KRT3: variants seen among roughly 807,000 people sequenced by gnomAD.
KRT3 encodes keratin, type II cytoskeletal 3.
Under a neutral mutation model 45.8 loss-of-function variants are expected in KRT3, and 34 were observed. The ratio of observed to expected loss-of-function variants is 0.74; its 90% CI spans 0.57 to 0.99. The LOEUF (loss-of-function observed/expected upper bound fraction) is 0.99. Ranked by LOEUF, KRT3 falls within the 50% of genes least tolerant of loss-of-function variation. KRT3 has a pLI of 0.00. For synonymous variants in KRT3, 367 were observed against 329.0 expected (o/e 1.12, Z -1.25); for missense variants, 828 against 820.6 (o/e 1.01, Z -0.11).
chr12:52,795,993 G>A lies in KRT3; in HGVS notation c.50C>T (p.Ser17Phe). The A allele has an allele frequency of 6.2e-7, 1 of 1,613,860 alleles. No individual in the cohort carries two copies. The highest frequency in any genetic ancestry group is 8.5e-7 in the Non-Finnish European group (1 of 1,179,932). The change falls in exon 1 of 9, where the codon TCC (serine) becomes TTC (phenylalanine). Residue 17 changes from serine to phenylalanine, a missense_variant. Transcript: ENST00000417996. ...KTSGGGSQGFSGRSAVVSGSS... is the reference protein window; with the variant it reads ...KTSGGGSQGFFGRSAVVSGSS... ...GCCGGAGACCACAGCAGAGCGGCCG[G>A]AGAAACCCTGGCTCCCGCCACCAGA...
Position 52,792,119 on chromosome 12 carries a change from G to A in KRT3, c.1188+120C>T, listed in dbSNP as rs189462502. On this transcript the variant is annotated intron_variant, in intron 5 of 8. Transcript: ENST00000417996. ...AACCACCATTAGAAGGATGACTTCA[G>A]AGGGTAAAACCAAAAGGCATTCACC... 45 of 867,492 alleles carry A rather than the reference G, an allele frequency of 5.2e-5. No individual in the cohort carries two copies. In the African/African-American group the frequency reaches 6.4e-4, roughly 12 times the overall value. 53.7% of individuals were successfully genotyped at this position (867,492 alleles called of 1,614,324 possible). A position where few individuals can be genotyped will look rare whatever the true frequency, so the allele number is the denominator to read the frequency against.
In KRT3 at chr12:52,791,271, AT is replaced by A. The variant is rs559132133; in HGVS notation, c.1469del (p.Asn490MetfsTer61). 6.2e-7 allele frequency: 1 copy of A among 1,614,204 alleles called. No homozygotes were observed. Among genetic ancestry groups the A allele is most frequent in the South Asian group, 1.1e-5 (1 of 91,086 alleles). ...TCTCCACGTCCAGGGCCAGCTTGACATTCATCAGCTCCTGGTAGTCACGTAG... is the reference window on the plus strand; with the variant it reads ...TCTCCACGTCCAGGGCCAGCTTGACATCATCAGCTCCTGGTAGTCACGTAG... The part of the protein sequence containing the change: ...RLLRDYQELM[N>X]VKLALDVEIA... On this transcript the variant is annotated frameshift_variant, in exon 7 of 9. Transcript: ENST00000417996. LOFTEE classifies it high-confidence loss of function.
Position 52,795,707 on chromosome 12 carries a change from G to T in KRT3, c.336C>A (p.Gly112=), listed in dbSNP as rs1208822466. Residue 112 remains glycine (G), a synonymous_variant, in exon 1 of 9, where the codon GGC becomes GGA. Coordinates refer to ENST00000417996, the MANE Select transcript of KRT3 (RefSeq NM_057088.3). Reference sequence around the variant, plus strand: ...CACCAAAGCCACCTCCCATTCCTCTGCCACCACCAAAGCCACCACCAAAGC... The same window carrying T: ...CACCAAAGCCACCTCCCATTCCTCTTCCACCACCAAAGCCACCACCAAAGC... The part of the protein sequence containing the change: ...GGGFGGGFGG[G]RGMGGGFGGA... The T allele has an allele frequency of 6.2e-7, 1 of 1,611,654 alleles. No homozygotes were observed. Among genetic ancestry groups the T allele is most frequent in the Non-Finnish European group, 8.5e-7 (1 of 1,178,790 alleles).
In KRT3 at chr12:52,793,076, C is replaced by T. The variant is rs986471089; in HGVS notation, c.927+87G>A. ...TGCTCCAAAGGCCTGAACTTGGCAG[C>T]TCTGTGGCAGTGGAGTGAGGAGATT... On this transcript the variant is annotated intron_variant, in intron 3 of 8. Coordinates refer to ENST00000417996, the MANE Select transcript of KRT3 (RefSeq NM_057088.3). 31 of 1,066,354 alleles carry T rather than the reference C, an allele frequency of 2.9e-5. No homozygotes were observed. In the Middle Eastern group the frequency reaches 1.2e-3, roughly 41 times the overall value. The allele number at this position is 1,066,354 out of a possible 1,614,324, so 66.1% of individuals were successfully genotyped here. A position where few individuals can be genotyped will look rare whatever the true frequency, so the allele number is the denominator to read the frequency against.
chr12:52,791,095 A>G, intron 7 of KRT3, 111 bp downstream of exon 7: 1 of 1,522,546 alleles, frequency 6.6e-7, no homozygotes, highest in Non-Finnish European at 9.0e-7. Flanking sequence ...GCTTCACCAC[A>G]AGGCCTCTCT....
In KRT3 at chr12:52,790,342, G is replaced by A. The variant is rs778801419; in HGVS notation, c.1587C>T (p.Ser529=). The change falls in exon 9 of 9, where the codon AGC becomes AGT. Residue 529 remains serine (S), a synonymous_variant. Coordinates refer to ENST00000417996, the MANE Select transcript of KRT3 (RefSeq NM_057088.3). ...AGCCACCTGCGGAGGCGGAAGTCGT[G>A]CTGCTGCTGACCACGGCTGTGGGGG... ...SAVSISVVSS[S]TTSASAGGYG... The A allele has an allele frequency of 6.3e-6, 10 of 1,595,952 alleles. No homozygotes were observed. Among genetic ancestry groups the A allele is most frequent in the East Asian group, 2.3e-5 (1 of 44,278 alleles).
Position 52,792,318 on chromosome 12 carries a change from A to G in KRT3, c.1109T>C (p.Ile370Thr). 1 of 1,614,118 alleles carries G rather than the reference A, an allele frequency of 6.2e-7. No homozygotes were observed. The highest frequency in any genetic ancestry group is 1.7e-5 in the Admixed American group (1 of 60,018). ...ATACTGTGCACGAACTTCAGCAATG[A>G]TGCTGTCCAGGTCCAGGGAGCGATT... is the stretch of plus-strand genomic sequence containing the variant. ...DNNRSLDLDS[I>T]IAEVRAQYED... The change falls in exon 5 of 9, where the codon ATC (isoleucine) becomes ACC (threonine). Residue 370 changes from isoleucine to threonine, a missense_variant. Ile to Thr is a moderately conservative substitution (Grantham distance 89). Transcript: ENST00000417996.
chr12:52,791,238 G>A lies in KRT3; in HGVS notation c.1503C>T (p.Thr501=). Residue 501 remains threonine (T), a synonymous_variant, in exon 7 of 9, where the codon ACC becomes ACT. Transcript: ENST00000417996. ...CCTCGCCCTCCAGCAGCTTGCGGTA[G>A]GTGGCGATCTCCACGTCCAGGGCCA... ...VKLALDVEIA[T]YRKLLEGEEY... The A allele has an allele frequency of 6.2e-7, 1 of 1,614,236 alleles. No individual in the cohort carries two copies. Among genetic ancestry groups the A allele is most frequent in the African/African-American group, 1.3e-5 (1 of 75,064 alleles).
chr12:52,792,629 CCT>C (rs1939547142), intron 4 of KRT3, 80 bp downstream of exon 4: 1 of 1,080,048 alleles, frequency 9.3e-7, no homozygotes, highest in African/African-American at 1.6e-5. Flanking sequence ...TCTTCTGGGG[CCT>C]ATATACCAAA....
Position 52,792,740 on chromosome 12 carries a change from T to G in KRT3, c.994A>C (p.Ile332Leu). 1 of 1,613,154 alleles carries G rather than the reference T, an allele frequency of 6.2e-7. No individual in the cohort carries two copies. Among genetic ancestry groups the G allele is most frequent in the Non-Finnish European group, 8.5e-7 (1 of 1,179,156 alleles). Residue 332 changes from isoleucine (I) to leucine (L), a missense_variant, in exon 4 of 9, where the codon ATC (isoleucine) becomes CTC (leucine). Transcript: ENST00000417996. ...TCGTAGAGGGTCCTTAAGAAGTCGA[T>G]CTCATCTATCAAGGCATCCACTTTG... is the stretch of plus-strand genomic sequence containing the variant. ...QAKVDALIDEIDFLRTLYDAE... is the reference protein window; with the variant it reads ...QAKVDALIDELDFLRTLYDAE...
At chr12:52,793,415 T>C (rs1939571509) in intron 2 of KRT3, among the ~76,000 whole-genome samples, 192 bp from the exon 3 acceptor site, 1 of 152,134 alleles carries the variant, frequency 6.6e-6, no homozygotes, top group Admixed American at 6.5e-5. Context: ...AGGCAAACTG[T>C]CTGGTTTTAG....
chr12:52,792,921 G>A, intron 3 of KRT3, 115 bp from the exon 4 acceptor site: 1 of 759,936 alleles, frequency 1.3e-6, no homozygotes, highest in Non-Finnish European at 2.3e-6. Context: ...TCTAAGACCA[G>A]TCTCCACTTG....
At chr12:52,792,000 G>C (rs138735194) in intron 5 of KRT3, among the ~76,000 whole-genome samples, 184 bp from the exon 6 acceptor site, 1 of 152,230 alleles carries the variant, frequency 6.6e-6, no homozygotes, top group African/African-American at 2.4e-5. Context: ...TGTTGTGGTA[G>C]AAGATTTTCC....
chr12:52,795,393 A>G lies in KRT3; in HGVS notation c.645+5T>C, dbSNP rs1276544712. 3.7e-6 allele frequency: 6 copies of G among 1,614,080 alleles called. No homozygotes were observed. Among genetic ancestry groups the G allele is most frequent in the East Asian group, 2.2e-5 (1 of 44,876 alleles). On this transcript the variant is annotated splice_donor_5th_base_variant and intron_variant, in intron 1 of 8. Transcript: ENST00000417996. Reference sequence around the variant, plus strand: ...GGAAGGGATGACCAGTCAAAGCTTCATTACCTTGTCAATGAAGGAGGCAAA... The same window carrying G: ...GGAAGGGATGACCAGTCAAAGCTTCGTTACCTTGTCAATGAAGGAGGCAAA...
chr12:52,791,998 TAGA>T (rs1476739936), intron 5 of KRT3, among the ~76,000 whole-genome samples, 182 bp from the exon 6 acceptor site: 2 of 152,198 alleles, frequency 1.3e-5, no homozygotes, highest in African/African-American at 2.4e-5. Flanking sequence ...GTTGTTGTGG[TAGA>T]AGATTTTCCT....
chr12:52,791,189 C>T lies in KRT3; in HGVS notation c.1535+17G>A, dbSNP rs778426188. 65 of 1,613,936 alleles carry T rather than the reference C, an allele frequency of 4.0e-5. No homozygotes were observed. The highest frequency in any genetic ancestry group is 1.8e-4 in the East Asian group (8 of 44,896). On this transcript the variant is annotated intron_variant, in intron 7 of 8. Coordinates refer to ENST00000417996, the MANE Select transcript of KRT3 (RefSeq NM_057088.3). Reference sequence around the variant, plus strand: ...ACTTGAGCCAGGGGGTGTGGGAAGACGGGACTGGAGGCTCACCTGTACTCC... The same window carrying T: ...ACTTGAGCCAGGGGGTGTGGGAAGATGGGACTGGAGGCTCACCTGTACTCC...
chr12:52,790,362 TG>T lies in KRT3; in HGVS notation c.1571-5del. 6.3e-7 allele frequency: 1 copy of T among 1,593,570 alleles called. No homozygotes were observed. Among genetic ancestry groups the T allele is most frequent in the Admixed American group, 1.7e-5 (1 of 58,540 alleles). On this transcript the variant is annotated splice_region_variant and splice_polypyrimidine_tract_variant and intron_variant, in intron 8 of 8. Transcript: ENST00000417996. ...GTCGTGCTGCTGCTGACCACGGCTG[TG>T]GGGGAGAGGACAGGACAGCGATCAG...
intron 1 of KRT3, 45 bp from the exon 2 acceptor site, chr12:52,794,376 A>T: frequency 6.9e-7 from 1 of 1,452,854 alleles, no homozygotes; most frequent in Non-Finnish European, 9.7e-7. Flanking sequence ...CTTGTAGCAG[A>T]GGAGCAGAGG....
Position 52,790,854 on chromosome 12 carries a change from C to T in KRT3, c.1554G>A (p.Pro518=), listed in dbSNP as rs1355070492. The change falls in exon 8 of 9, where the codon CCG becomes CCA. Residue 518 remains proline (P), a synonymous_variant. Coordinates refer to ENST00000417996, the MANE Select transcript of KRT3 (RefSeq NM_057088.3). ...GEEYRMSGEC[P]SAVSISVVSS... ...GGTACTTACAGATGCTGACAGCACTCGGACACTCTCCAGACATCCTGTTTG... is the reference window on the plus strand; with the variant it reads ...GGTACTTACAGATGCTGACAGCACTTGGACACTCTCCAGACATCCTGTTTG... The T allele has an allele frequency of 1.1e-5, 17 of 1,597,610 alleles. No individual in the cohort carries two copies. The highest frequency in any genetic ancestry group is 2.3e-5 in the South Asian group (2 of 87,788).
Sources: allele counts gnomAD v4.1 joint callset (sites outside exome capture counted in the v4.1 genomes callset), GRCh38; gene constraint gnomAD v4.1.1; transcripts MANE v1.5; gene names NCBI Gene and HGNC (gene_info 2026-07-23, HGNC 2026-07-21).